LRP1B: variants seen among roughly 807,000 people sequenced by gnomAD.
LRP1B encodes the protein low-density lipoprotein receptor-related protein 1B.
Under a neutral mutation model 556.6 loss-of-function variants are expected in LRP1B, and 217 were observed. That is an observed-to-expected ratio of 0.39 (90% CI 0.35 to 0.44). The LOEUF (loss-of-function observed/expected upper bound fraction) is 0.44. LRP1B is among the 20% of genes least tolerant of loss of function. The pLI is 1.00. For synonymous variants in LRP1B, 2,047 were observed against 1,865.8 expected, an observed-to-expected ratio of 1.10 and a Z score of -2.50; for missense variants, 5,053 against 5,620.8, an observed-to-expected ratio of 0.90 and a Z score of 3.23.
intron 41 of LRP1B, among the ~76,000 whole-genome samples, chr2:140,676,439 CT>C (rs576563924): frequency 6.6e-6 from 1 of 151,980 alleles, no homozygotes; most frequent in East Asian, 1.9e-4. Context: ...CTTTAGAATA[CT>C]TTTTTTTAAA....
intron 29 of LRP1B, among the ~76,000 whole-genome samples, chr2:140,842,092 G>A (rs763237297): frequency 6.6e-6 from 1 of 152,206 alleles, no homozygotes; most frequent in African/African-American, 2.4e-5. Flanking sequence ...TTCTGTTACT[G>A]CTCAAGGTTG....
intron 18 of LRP1B, among the ~76,000 whole-genome samples, chr2:140,956,068 A>T (rs1175202858): frequency 6.6e-6 from 1 of 151,724 alleles, no homozygotes; most frequent in Non-Finnish European, 1.5e-5. Flanking sequence ...ACGAGTCCAG[A>T]TTTAGGAAAG....
At chr2:141,084,045 A>G (rs913482841) in intron 7 of LRP1B, among the ~76,000 whole-genome samples, 3 of 152,224 alleles carry the variant, frequency 2.0e-5, no homozygotes, top group African/African-American at 7.2e-5. Flanking sequence ...AATAGAGAAA[A>G]TAACAATACT....
intron 41 of LRP1B, among the ~76,000 whole-genome samples, chr2:140,689,186 T>C (rs1686153467): frequency 6.6e-6 from 1 of 152,142 alleles, no homozygotes; most frequent in South Asian, 2.1e-4. Flanking sequence ...CAACCTAACT[T>C]CATAGGTAGA....
chr2:140,310,318 T>G (rs534852738), intron 83 of LRP1B, among the ~76,000 whole-genome samples: 1 of 151,108 alleles, frequency 6.6e-6, no homozygotes, highest in South Asian at 2.1e-4. Flanking sequence ...GATCATACTG[T>G]CTAACACAAT....
intron 7 of LRP1B, among the ~76,000 whole-genome samples, chr2:141,168,556 A>G (rs191185624): frequency 1.1e-3 from 171 of 152,230 alleles, no homozygotes; most frequent in African/African-American, 3.3e-3. Flanking sequence ...CAGTCTGTCA[A>G]AAAAGAAAAG....
At chr2:140,564,394 T>C (rs1295754676) in intron 43 of LRP1B, among the ~76,000 whole-genome samples, 4 of 152,118 alleles carry the variant, frequency 2.6e-5, no homozygotes, top group Admixed American at 6.5e-5. Flanking sequence ...TCTATTAGAA[T>C]TTAAAACCAC....
chr2:141,077,968 A>AT (rs76152375), intron 7 of LRP1B, among the ~76,000 whole-genome samples: 4,317 of 143,058 alleles, frequency 0.03, 162 homozygotes, highest in African/African-American at 0.09. Flanking sequence ...TCAGGTAGGA[A>AT]TTTTTTTTTT....
At chr2:140,508,555 G>T (rs1479174810) in intron 52 of LRP1B, among the ~76,000 whole-genome samples, 3 of 152,018 alleles carry the variant, frequency 2.0e-5, no homozygotes, top group Non-Finnish European at 4.4e-5. Context: ...CTGTATAGAA[G>T]CCACATAGAA....
intron 2 of LRP1B, among the ~76,000 whole-genome samples, chr2:141,729,155 G>A (rs1351781179): frequency 6.6e-6 from 1 of 152,174 alleles, no homozygotes; most frequent in Admixed American, 6.5e-5. Context: ...GCTGTGTTAA[G>A]ACTGCCTCAG....
intron 35 of LRP1B, among the ~76,000 whole-genome samples, chr2:140,768,414 A>G (rs1249151914): frequency 6.6e-6 from 1 of 151,934 alleles, no homozygotes; most frequent in Non-Finnish European, 1.5e-5. Context: ...AAATGCATTT[A>G]CATGTTCAAC....
At chr2:141,448,248 T>C (rs566529355) in intron 3 of LRP1B, among the ~76,000 whole-genome samples, 1 of 152,246 alleles carries the variant, frequency 6.6e-6, no homozygotes, top group East Asian at 1.9e-4. Context: ...GCCTCAGTAA[T>C]GTTGGATGCC....
intron 2 of LRP1B, among the ~76,000 whole-genome samples, chr2:141,627,754 G>A (rs568447999): frequency 8.9e-4 from 135 of 152,294 alleles, no homozygotes; most frequent in Middle Eastern, 3.4e-3. Flanking sequence ...ACAACACCAA[G>A]AATGAATCCA....
At chr2:141,260,497 T>C (rs1009484717) in intron 3 of LRP1B, among the ~76,000 whole-genome samples, 1 of 642 alleles carries the variant, frequency 1.6e-3, no homozygotes, top group East Asian at 0.25. Context: ...TGATTAGAAG[T>C]TGGCAGTTTC....
intron 2 of LRP1B, among the ~76,000 whole-genome samples, chr2:141,691,146 T>C (rs535050541): frequency 1.3e-5 from 2 of 152,016 alleles, no homozygotes; most frequent in East Asian, 3.9e-4. Context: ...TTTGTTACTG[T>C]TGACTTTACC....
chr2:140,685,350 GC>G (rs1686010940), intron 41 of LRP1B, among the ~76,000 whole-genome samples: 1 of 152,080 alleles, frequency 6.6e-6, no homozygotes, highest in African/African-American at 2.4e-5. Context: ...TAAGTCCTAG[GC>G]CTTGTTCCAA....
intron 67 of LRP1B, among the ~76,000 whole-genome samples, chr2:140,381,734 C>T (rs975671912): frequency 1.3e-5 from 2 of 151,622 alleles, no homozygotes; most frequent in Non-Finnish European, 2.9e-5. Context: ...CTGTTGTGCG[C>T]ACCTGTAATC....
In LRP1B at chr2:141,406,686, G is replaced by A. The variant is rs141850805; in HGVS notation, c.343+73710C>T. Among the ~76,000 whole-genome samples, 438 of 151,740 alleles carry A rather than the reference G, an allele frequency of 2.9e-3. 3 individuals carry two copies. Among genetic ancestry groups the A allele is most frequent in the African/African-American group, 9.9e-3 (408 of 41,376 alleles). On this transcript the variant is annotated intron_variant, in intron 3 of 90. Transcript: ENST00000389484. ...TAAGTAGCAAAAATTAGTTGCAGTCGTGTCAGGCATGTTGTATTAAATTAT... is the reference window on the plus strand; with the variant it reads ...TAAGTAGCAAAAATTAGTTGCAGTCATGTCAGGCATGTTGTATTAAATTAT...
At chr2:141,734,954 T>C (rs1693409169) in intron 2 of LRP1B, among the ~76,000 whole-genome samples, 1 of 152,132 alleles carries the variant, frequency 6.6e-6, no homozygotes, top group African/African-American at 2.4e-5. Flanking sequence ...TTTGTAAAAT[T>C]GAATTAATTT....
Sources: allele counts gnomAD v4.1 joint callset (sites outside exome capture counted in the v4.1 genomes callset), GRCh38; gene constraint gnomAD v4.1.1; transcripts MANE v1.5; gene names NCBI Gene and HGNC (gene_info 2026-07-23, HGNC 2026-07-21).